NPAS2: variants seen among roughly 807,000 people sequenced by gnomAD.
NPAS2 encodes the protein neuronal PAS domain protein 2, also known as neuronal PAS domain-containing protein 2.
Under a neutral mutation model 107.5 loss-of-function variants are expected in NPAS2, and 23 were observed. The ratio of observed to expected loss-of-function variants is 0.21; its 90% CI spans 0.15 to 0.30. The LOEUF is 0.30. Ranked by LOEUF, NPAS2 falls within the 10% of genes least tolerant of loss-of-function variation. The pLI, the probability that NPAS2 is intolerant of heterozygous loss-of-function variation, is 1.00. For missense variants in NPAS2, 756 were observed against 1,043.3 expected, an observed-to-expected ratio of 0.72 and a Z score of 3.79; for synonymous variants, 403 against 417.5, an observed-to-expected ratio of 0.97 and a Z score of 0.42.
intron 14 of NPAS2, 167 bp downstream of exon 14, chr2:100,975,734 AT>A (rs1421702733): frequency 5.8e-6 from 3 of 516,448 alleles, no homozygotes; most frequent in Non-Finnish European, 1.0e-5. Context: ...TTGGCAACTA[AT>A]TTTAAACATT....
chr2:100,919,627 T>C (rs575181776), intron 2 of NPAS2, among the ~76,000 whole-genome samples: 106 of 152,296 alleles, frequency 7.0e-4, no homozygotes, highest in African/African-American at 2.4e-3. Context: ...TTCCTTTCCC[T>C]GTCCCCACTC....
At chr2:100,977,920 C>A in intron 15 of NPAS2, 121 bp downstream of exon 15, 1 of 811,204 alleles carries the variant, frequency 1.2e-6, no homozygotes, top group Non-Finnish European at 2.1e-6. Context: ...ATGTCCCTCC[C>A]AATGTGTGTG....
chr2:100,915,059 G>A (rs1421340887), intron 2 of NPAS2, among the ~76,000 whole-genome samples: 1 of 152,200 alleles, frequency 6.6e-6, no homozygotes, highest in Admixed American at 6.5e-5. Flanking sequence ...CTAATGCTCA[G>A]ATTGTGCAAG....
chr2:100,904,333 G>A (rs1681995047), intron 1 of NPAS2, among the ~76,000 whole-genome samples: 2 of 152,210 alleles, frequency 1.3e-5, no homozygotes, highest in Admixed American at 6.5e-5. Flanking sequence ...TCAAAGTGTG[G>A]TCTGAAGACC....
intron 4 of NPAS2, 88 bp from the exon 5 acceptor site, chr2:100,937,665 G>C: frequency 1.1e-6 from 1 of 911,704 alleles, no homozygotes; most frequent in Non-Finnish European, 1.8e-6. Context: ...AACAAAGCCA[G>C]TGTCCTAAAA....
At chr2:100,914,686 C>G (rs1682762169) in intron 2 of NPAS2, among the ~76,000 whole-genome samples, 1 of 152,172 alleles carries the variant, frequency 6.6e-6, no homozygotes. Context: ...TTTATATTCT[C>G]TGTTCCCACC....
At chr2:100,835,312 A>T (rs1255187835) in intron 1 of NPAS2, among the ~76,000 whole-genome samples, 1 of 152,194 alleles carries the variant, frequency 6.6e-6, no homozygotes. Flanking sequence ...TTTTTCTGAA[A>T]TGTTGCTTTG....
chr2:100,858,932 C>T (rs534525748), intron 1 of NPAS2, among the ~76,000 whole-genome samples: 6 of 152,260 alleles, frequency 3.9e-5, no homozygotes, highest in East Asian at 3.9e-4. Flanking sequence ...GCATAATCAA[C>T]GCCTCAAGAA....
At chr2:100,913,135 TC>T (rs1682656364) in intron 2 of NPAS2, among the ~76,000 whole-genome samples, 1 of 152,148 alleles carries the variant, frequency 6.6e-6, no homozygotes, top group Non-Finnish European at 1.5e-5. Flanking sequence ...ATAGGATGCC[TC>T]ATAGAATGCC....
At chr2:100,961,582 G>T (rs952186855) in intron 7 of NPAS2, among the ~76,000 whole-genome samples, 1 of 152,140 alleles carries the variant, frequency 6.6e-6, no homozygotes, top group Non-Finnish European at 1.5e-5. Flanking sequence ...TATCTTTAAA[G>T]ACTTAGATGC....
Position 100,968,409 on chromosome 2 carries a change from T to C in NPAS2, c.1036T>C (p.Cys346Arg). Residue 346 changes from cysteine to arginine, a missense_variant, in exon 11 of 21, where the codon TGC (cysteine) becomes CGC (arginine). Cys to Arg is a radical substitution (Grantham distance 180, BLOSUM62 -3). Around this residue, in one of 4 missense-constraint regions of NPAS2, gnomAD observed 84 missense variants for 175.5 expected, o/e 0.48. Coordinates refer to ENST00000335681, the MANE Select transcript of NPAS2 (RefSeq NM_002518.4). This position sits in a 1 kb window ranked among gnomAD's most constrained non-coding sequence, Gnocchi z 5.3. Reference protein sequence around the residue: ...QWNSKPEFIVCTHSVVSYADV... With the variant: ...QWNSKPEFIVRTHSVVSYADV... Reference sequence around the variant, plus strand: ...GAACTCCAAGCCCGAGTTCATCGTGTGCACACACTCGGTGGTCAGGTACCG... The same window carrying C: ...GAACTCCAAGCCCGAGTTCATCGTGCGCACACACTCGGTGGTCAGGTACCG... 1 of 1,614,122 alleles carries C rather than the reference T, an allele frequency of 6.2e-7. No homozygotes were observed. The highest frequency in any genetic ancestry group is 8.5e-7 in the Non-Finnish European group (1 of 1,180,010).
At chr2:100,880,683 A>AT (rs1237058178) in intron 1 of NPAS2, among the ~76,000 whole-genome samples, 10 of 152,328 alleles carry the variant, frequency 6.6e-5, no homozygotes, top group African/African-American at 2.2e-4. Context: ...GAAAGGTGGT[A>AT]GTTGCACAAC....
intron 4 of NPAS2, among the ~76,000 whole-genome samples, chr2:100,936,529 C>G (rs1684309994): frequency 6.6e-6 from 1 of 152,154 alleles, no homozygotes; most frequent in South Asian, 2.1e-4. Flanking sequence ...TTTCTAGTCT[C>G]CTCCCCCTCA....
In NPAS2 at chr2:100,990,348, G is replaced by C. The variant is rs1053091; in HGVS notation, c.1920G>C (p.Ala640=). Residue 640 remains alanine (A), a synonymous_variant, in exon 18 of 21, where the codon GCG becomes GCC. Coordinates refer to ENST00000335681, the MANE Select transcript of NPAS2 (RefSeq NM_002518.4). ...LVSPFSSATA[A]LPPSLNLTTP... ...CCCCGTTCAGCAGCGCCACAGCTGC[G>C]CTCCCGCCAAGTCTGAATCTGACCA... 1 of 1,613,990 alleles carries C rather than the reference G, an allele frequency of 6.2e-7. No individual in the cohort carries two copies. Among genetic ancestry groups the C allele is most frequent in the Admixed American group, 1.7e-5 (1 of 60,006 alleles).
intron 14 of NPAS2, chr2:100,977,180 A>C (rs1677072918): frequency 6.3e-6 from 1 of 158,474 alleles, no homozygotes; most frequent in Admixed American, 6.0e-5. Context: ...GAGTCTCTTA[A>C]AAGGTTCTGG....
rs1232027559 is a variant in NPAS2, at chr2:100,968,765, C to T, written c.1055+337C>T. The stretch of plus-strand genomic sequence containing the variant: ...ACTTACATATTTTCCCATCTCTATC[C>T]AGCCCACAGCCTTCCCTTGTTCCTG... On this transcript the variant is annotated intron_variant, in intron 11 of 20. Coordinates refer to ENST00000335681, the MANE Select transcript of NPAS2 (RefSeq NM_002518.4). This position sits in a 1 kb window ranked among gnomAD's most constrained non-coding sequence, Gnocchi z 5.3. 2.6e-5 allele frequency among the ~76,000 whole-genome samples: 4 copies of T among 152,196 alleles called. No homozygotes were observed. Among genetic ancestry groups the T allele is most frequent in the African/African-American group, 4.8e-5 (2 of 41,436 alleles).
chr2:100,915,452 G>A (rs975737627), intron 2 of NPAS2, among the ~76,000 whole-genome samples: 7 of 152,160 alleles, frequency 4.6e-5, no homozygotes, highest in Non-Finnish European at 7.4e-5. Flanking sequence ...AAAGCTGGTT[G>A]TGAGTTTCTG....
intron 1 of NPAS2, among the ~76,000 whole-genome samples, chr2:100,889,351 G>A (rs1237439844): frequency 1.3e-5 from 2 of 152,218 alleles, no homozygotes; most frequent in African/African-American, 2.4e-5. Context: ...TCTTGGGAAG[G>A]GCTTGCCACG....
At position 100,990,447 on chromosome 2, in the gene NPAS2, G is replaced by T; in HGVS notation, c.2018+1G>T. 1 of 1,614,036 alleles carries T rather than the reference G, an allele frequency of 6.2e-7. No homozygotes were observed. The highest frequency in any genetic ancestry group is 8.5e-7 in the Non-Finnish European group (1 of 1,179,888). On this transcript the variant is annotated splice_donor_variant, in intron 18 of 20. Transcript: ENST00000335681. LOFTEE classifies it high-confidence loss of function. ...ACTTCAGCCATGATCGGCAGCTCAGGTACGAGACTGCCCTTGTTTAAAGGA... is the reference window on the plus strand; with the variant it reads ...ACTTCAGCCATGATCGGCAGCTCAGTTACGAGACTGCCCTTGTTTAAAGGA...
Sources: gnomAD v4.1 joint callset for allele counts (sites outside exome capture counted in the v4.1 genomes callset) on GRCh38, gnomAD v4.1.1 for gene constraint, gnomAD v4.1.1 regional missense constraint, Gnocchi (gnomAD v3.1) non-coding constraint, MANE v1.5 for transcripts, NCBI Gene and HGNC (gene_info 2026-07-23, HGNC 2026-07-21) for gene names.